The following THSD7B variants were observed in gnomAD, a reference collection of about 807,000 sequenced individuals.
The protein encoded by THSD7B is thrombospondin type 1 domain containing 7B.
In THSD7B, 138 loss-of-function variants were observed where a neutral mutation model predicts 213.6. The ratio of observed to expected loss-of-function variants is 0.65; its 90% CI spans 0.56 to 0.74. The LOEUF is 0.74. THSD7B is among the 30% of genes least tolerant of loss of function. The pLI is 0.00. For missense variants in THSD7B, 1,931 were observed against 1,991.5 expected, an observed-to-expected ratio of 0.97 and a Z score of 0.58; for synonymous variants, 742 against 687.0, an observed-to-expected ratio of 1.08 and a Z score of -1.25.
intron 2 of THSD7B, among the ~76,000 whole-genome samples, chr2:136,927,003 T>C (rs551955512): frequency 6.6e-6 from 1 of 152,364 alleles, no homozygotes; most frequent in South Asian, 2.1e-4. Flanking sequence ...ACTTTTGTGC[T>C]TAAGATCCTT....
chr2:136,773,226 C>T (rs1681539388), intron 1 of THSD7B, among the ~76,000 whole-genome samples: 1 of 151,960 alleles, frequency 6.6e-6, no homozygotes, highest in South Asian at 2.1e-4. Flanking sequence ...ATACTGTGTG[C>T]CAGACGCTAC....
intron 12 of THSD7B, among the ~76,000 whole-genome samples, chr2:137,398,178 T>C (rs1686244635): frequency 6.6e-6 from 1 of 150,488 alleles, no homozygotes; most frequent in African/African-American, 2.4e-5. Flanking sequence ...AAAGTCATTC[T>C]CCATCCAGCT....
chr2:136,893,350 G>A (rs1030014166), intron 2 of THSD7B, among the ~76,000 whole-genome samples: 2 of 152,172 alleles, frequency 1.3e-5, no homozygotes, highest in African/African-American at 2.4e-5. Context: ...ATTCTGCCTC[G>A]TGGTGAAATT....
At chr2:137,511,240 G>A (rs1005633837) in intron 15 of THSD7B, among the ~76,000 whole-genome samples, 4 of 151,602 alleles carry the variant, frequency 2.6e-5, no homozygotes, top group African/African-American at 7.3e-5. Context: ...TCTTAAATTC[G>A]AGAATATTTG....
chr2:137,259,800 G>A (rs1682398697), intron 10 of THSD7B, among the ~76,000 whole-genome samples: 1 of 152,188 alleles, frequency 6.6e-6, no homozygotes, highest in Admixed American at 6.5e-5. Context: ...TCTTTTGTTT[G>A]GTTGTAGCTT....
intron 6 of THSD7B, 117 bp downstream of exon 6, chr2:137,160,485 C>G (rs542828808): frequency 7.7e-7 from 1 of 1,296,972 alleles, no homozygotes; most frequent in Non-Finnish European, 1.0e-6. Context: ...ATTTAGATAA[C>G]CAGCTCAAGC....
intron 20 of THSD7B, among the ~76,000 whole-genome samples, chr2:137,637,999 CA>C (rs1682864323): frequency 6.6e-6 from 1 of 152,106 alleles, no homozygotes; most frequent in Admixed American, 6.6e-5. Context: ...AATCTTGTGC[CA>C]AATGTGTTCA....
chr2:137,113,517 C>A (rs28694859), intron 4 of THSD7B, among the ~76,000 whole-genome samples: 87,277 of 151,816 alleles, frequency 0.57, 26,985 homozygotes, highest in Non-Finnish European at 0.68. Flanking sequence ...GCTCACCGCA[C>A]CCTCCGCCTC....
intron 1 of THSD7B, among the ~76,000 whole-genome samples, chr2:136,813,166 T>G (rs969508700): frequency 2.0e-5 from 3 of 152,248 alleles, no homozygotes; most frequent in Non-Finnish European, 4.4e-5. Flanking sequence ...ACTTTTTGCT[T>G]CTTTTTGATG....
chr2:137,260,656 T>C (rs1682421885), intron 10 of THSD7B, among the ~76,000 whole-genome samples: 1 of 152,156 alleles, frequency 6.6e-6, no homozygotes, highest in African/African-American at 2.4e-5. Context: ...TCCCAGCTAC[T>C]CTGGAGGCTG....
intron 1 of THSD7B, among the ~76,000 whole-genome samples, chr2:136,858,716 A>G (rs2104970292): frequency 6.6e-6 from 1 of 152,298 alleles, no homozygotes; most frequent in South Asian, 2.1e-4. Context: ...TTGACCTAAT[A>G]TTTCCAGGTG....
chr2:137,249,323 T>TA (rs906265441), intron 10 of THSD7B, among the ~76,000 whole-genome samples: 51 of 149,822 alleles, frequency 3.4e-4, no homozygotes, highest in South Asian at 3.2e-3. Context: ...AGATTTGGTT[T>TA]AAAAAAAAAA....
chr2:137,511,280 A>G (rs889723834), intron 15 of THSD7B, among the ~76,000 whole-genome samples: 4 of 152,184 alleles, frequency 2.6e-5, no homozygotes, highest in African/African-American at 9.7e-5. Flanking sequence ...TCTGTCTGCT[A>G]AGTCCACACA....
chr2:136,940,700 C>T (rs6735410), intron 2 of THSD7B, among the ~76,000 whole-genome samples: 6 of 134,716 alleles, frequency 4.5e-5, no homozygotes, highest in African/African-American at 8.5e-5. Context: ...CTGAGACATA[C>T]GTGTGTGTGT....
intron 1 of THSD7B, among the ~76,000 whole-genome samples, chr2:136,827,111 G>A (rs1021399415): frequency 2.0e-5 from 3 of 152,162 alleles, no homozygotes; most frequent in African/African-American, 7.2e-5. Context: ...TGACCTGATG[G>A]TAACCATAGC....
chr2:137,285,805 A>G (rs1400806042), intron 12 of THSD7B, among the ~76,000 whole-genome samples: 1 of 152,072 alleles, frequency 6.6e-6, no homozygotes, highest in Non-Finnish European at 1.5e-5. Flanking sequence ...TGATCGAATC[A>G]TTAAGAATTG....
chr2:137,243,930 A>G (rs1252920382), intron 10 of THSD7B, among the ~76,000 whole-genome samples: 1 of 152,234 alleles, frequency 6.6e-6, no homozygotes, highest in South Asian at 2.1e-4. Flanking sequence ...TTGAAAATAC[A>G]GTGCTTTATT....
At chr2:137,134,119 T>C (rs1372730605) in intron 5 of THSD7B, among the ~76,000 whole-genome samples, 1 of 152,178 alleles carries the variant, frequency 6.6e-6, no homozygotes, top group East Asian at 1.9e-4. Flanking sequence ...AACATCCCAA[T>C]CAAGTAAGCA....
chr2:137,365,004 C>G (rs1362129498), intron 12 of THSD7B, among the ~76,000 whole-genome samples: 3 of 152,012 alleles, frequency 2.0e-5, no homozygotes, highest in Non-Finnish European at 4.4e-5. Context: ...TACAATGCTA[C>G]AGCACCCCAA....
Sources: gnomAD v4.1 joint callset for allele counts (sites outside exome capture counted in the v4.1 genomes callset) on GRCh38, gnomAD v4.1.1 for gene constraint, MANE v1.5 for transcripts, NCBI Gene and HGNC (gene_info 2026-07-23, HGNC 2026-07-21) for gene names.